EGF: variants seen among roughly 807,000 people sequenced by gnomAD.
The protein encoded by EGF is pro-epidermal growth factor.
Under a neutral mutation model 143.8 loss-of-function variants are expected in EGF, and 95 were observed. That is an observed-to-expected ratio of 0.66 (90% CI 0.56 to 0.78). The LOEUF is 0.78. Among genes scored for constraint, EGF ranks in the 30% least tolerant of loss-of-function variants. The probability of loss-of-function intolerance (pLI) is 0.00; values close to 1 mark genes in which losing one functional copy is unlikely to be tolerated. For missense variants in EGF, 1,320 were observed against 1,470.9 expected, an observed-to-expected ratio of 0.90 and a Z score of 1.68; for synonymous variants, 510 against 510.5, an observed-to-expected ratio of 1.00 and a Z score of 0.01.
intron 1 of EGF, among the ~76,000 whole-genome samples, chr4:109,922,313 T>A (rs1394602873): frequency 1.3e-5 from 2 of 151,424 alleles, no homozygotes; most frequent in Admixed American, 1.3e-4. Context: ...TGGGAAAAAA[T>A]GAGGTATTTG....
At chr4:109,936,476 A>G (rs1560651105) in intron 1 of EGF, among the ~76,000 whole-genome samples, 1 of 151,814 alleles carries the variant, frequency 6.6e-6, no homozygotes, top group Non-Finnish European at 1.5e-5. Context: ...TATTTTGTTA[A>G]TCTTTTCAAA....
At position 109,972,893 on chromosome 4, in the gene EGF, T is replaced by C. The variant is rs189019868; in HGVS notation, c.1725-1810T>C. ...ACCAGAGAAGGTCTCCTTAGCATTCTGTAAAACCGGGAGGAGGGAATGGCC... is the reference window on the plus strand; with the variant it reads ...ACCAGAGAAGGTCTCCTTAGCATTCCGTAAAACCGGGAGGAGGGAATGGCC... On this transcript the variant is annotated intron_variant, in intron 11 of 23. Transcript: ENST00000265171. 1.6e-4 allele frequency among the ~76,000 whole-genome samples: 25 copies of C among 152,344 alleles called. 1 individual carries two copies. Among genetic ancestry groups the C allele is most frequent in the Admixed American group, 5.9e-4 (9 of 15,304 alleles).
intron 10 of EGF, among the ~76,000 whole-genome samples, chr4:109,967,230 T>G (rs1193438503): frequency 1.3e-5 from 2 of 152,160 alleles, no homozygotes; most frequent in African/African-American, 4.8e-5. Flanking sequence ...TGGTGAGAGA[T>G]AAGAGTCCAG....
chr4:109,932,378 A>ATATATATATATATATATATATATAT (rs1560643472), intron 1 of EGF, among the ~76,000 whole-genome samples: 2 of 75,738 alleles, frequency 2.6e-5, no homozygotes, highest in African/African-American at 1.2e-4. Flanking sequence ...TATATATATA[A>ATATATATATATATATATATATATAT]ATTTTTTTTT....
intron 20 of EGF, among the ~76,000 whole-genome samples, chr4:109,998,004 C>T (rs1268287327): frequency 6.6e-6 from 1 of 152,148 alleles, no homozygotes; most frequent in Non-Finnish European, 1.5e-5. Flanking sequence ...AATTCATAAC[C>T]AAAGAACTAG....
At chr4:110,004,366 G>A in intron 21 of EGF, 139 bp from the exon 22 acceptor site, 2 of 791,554 alleles carry the variant, frequency 2.5e-6, no homozygotes, top group Non-Finnish European at 4.5e-6. Flanking sequence ...TATGTTCCTA[G>A]TTATCTTCAT....
In EGF at chr4:109,993,268, G is replaced by A; in HGVS notation, c.2756G>A (p.Gly919Glu). The change falls in exon 19 of 24, where the codon GGG becomes GAG. Residue 919 changes from glycine to glutamate, a missense_variant. Transcript: ENST00000265171. ...HCLDIDECQL[G>E]EHSCGENASC... Reference sequence around the variant, plus strand: ...ACAGATATTGATGAGTGCCAACTGGGGGAGCACAGCTGTGGAGAGAATGCC... The same window carrying A: ...ACAGATATTGATGAGTGCCAACTGGAGGAGCACAGCTGTGGAGAGAATGCC... 1 of 1,613,828 alleles carries A rather than the reference G, an allele frequency of 6.2e-7. No individual in the cohort carries two copies. Among genetic ancestry groups the A allele is most frequent in the East Asian group, 2.2e-5 (1 of 44,866 alleles).
intron 11 of EGF, among the ~76,000 whole-genome samples, chr4:109,970,893 G>C (rs1440353009): frequency 6.7e-6 from 1 of 149,300 alleles, no homozygotes; most frequent in Non-Finnish European, 1.5e-5. Context: ...GTTATCAATA[G>C]TATGGCCATT....
intron 5 of EGF, among the ~76,000 whole-genome samples, chr4:109,947,073 C>T (rs1236051978): frequency 2.0e-5 from 3 of 151,814 alleles, no homozygotes; most frequent in African/African-American, 4.8e-5. Context: ...GAGCCAAGAT[C>T]GTTCCACTGC....
intron 1 of EGF, among the ~76,000 whole-genome samples, chr4:109,915,633 G>A (rs1456348337): frequency 2.6e-5 from 4 of 152,178 alleles, no homozygotes; most frequent in African/African-American, 7.2e-5. Context: ...CAGTCACTGT[G>A]TGCATTTCAG....
intron 11 of EGF, among the ~76,000 whole-genome samples, chr4:109,970,718 A>C (rs373267541): frequency 2.7e-5 from 4 of 150,478 alleles, no homozygotes; most frequent in Non-Finnish European, 5.9e-5. Context: ...CCAGCTACTC[A>C]GGAGGCTGAG....
chr4:109,940,049 A>C (rs1406892334), intron 1 of EGF, among the ~76,000 whole-genome samples: 2 of 152,176 alleles, frequency 1.3e-5, no homozygotes, highest in African/African-American at 4.8e-5. Flanking sequence ...CATCACAGGC[A>C]AGCTGTGTGT....
At chr4:109,976,383 C>T (rs1748508018) in intron 13 of EGF, 148 bp downstream of exon 13, 2 of 749,894 alleles carry the variant, frequency 2.7e-6, no homozygotes, top group Non-Finnish European at 4.7e-6. Flanking sequence ...TCATGAGCTG[C>T]AAAGCTTACC....
chr4:109,993,922 C>T (rs759750388), intron 19 of EGF, among the ~76,000 whole-genome samples: 2 of 152,056 alleles, frequency 1.3e-5, no homozygotes, highest in Non-Finnish European at 2.9e-5. Flanking sequence ...TTCACCTAGA[C>T]CCTGGAGACC....
chr4:109,994,964 G>C (rs776380676), intron 20 of EGF, 84 bp downstream of exon 20: 21 of 1,577,162 alleles, frequency 1.3e-5, no homozygotes, highest in Non-Finnish European at 1.7e-5. Context: ...TTACACTCAG[G>C]ATGTTTTTCT....
chr4:109,957,210 AC>A (rs1744932873), intron 5 of EGF, among the ~76,000 whole-genome samples: 1 of 152,196 alleles, frequency 6.6e-6, no homozygotes, highest in Non-Finnish European at 1.5e-5. Flanking sequence ...AACAGACCAA[AC>A]CAAAATGAAG....
chr4:109,926,961 G>A (rs2125957562), intron 1 of EGF, among the ~76,000 whole-genome samples: 1 of 152,216 alleles, frequency 6.6e-6, no homozygotes, highest in African/African-American at 2.4e-5. Flanking sequence ...TTGTGTCTGC[G>A]CTTTTAAAAC....
At chr4:109,923,654 C>T (rs1738167290) in intron 1 of EGF, among the ~76,000 whole-genome samples, 1 of 151,514 alleles carries the variant, frequency 6.6e-6, no homozygotes, top group African/African-American at 2.4e-5. Flanking sequence ...GGGTCTCACT[C>T]TTGTCACCCA....
intron 18 of EGF, among the ~76,000 whole-genome samples, chr4:109,989,961 A>G (rs1206499136): frequency 6.6e-6 from 1 of 152,096 alleles, no homozygotes; most frequent in African/African-American, 2.4e-5. Flanking sequence ...ATGTAGTTAT[A>G]ATACTTCGAA....
Sources: allele counts gnomAD v4.1 joint callset (sites outside exome capture counted in the v4.1 genomes callset), GRCh38; gene constraint gnomAD v4.1.1; transcripts MANE v1.5; gene names NCBI Gene and HGNC (gene_info 2026-07-23, HGNC 2026-07-21).